B3GALT1: variants seen among roughly 807,000 people sequenced by gnomAD.
B3GALT1 encodes the protein UDP-Gal:betaGlcNAc beta 1,3-galactosyltransferase, polypeptide 1.
Under a neutral mutation model 23.2 loss-of-function variants are expected in B3GALT1, and 10 were observed. The observed-to-expected ratio is 0.43, with a 90% confidence interval of 0.27 to 0.73. B3GALT1 has a LOEUF of 0.73. Among genes scored for constraint, B3GALT1 ranks in the 30% least tolerant of loss-of-function variants. B3GALT1 has a pLI of 0.21. For missense variants in B3GALT1, 299 were observed against 405.4 expected, an observed-to-expected ratio of 0.74 and a Z score of 2.25; for synonymous variants, 156 against 141.5, an observed-to-expected ratio of 1.10 and a Z score of -0.73.
intron 3 of B3GALT1, among the ~76,000 whole-genome samples, chr2:167,733,954 G>A (rs977680709): frequency 6.6e-6 from 1 of 152,020 alleles, no homozygotes; most frequent in Non-Finnish European, 1.5e-5. Flanking sequence ...CCATTTCCTG[G>A]TTTAATCTAA....
chr2:167,635,629 AC>A (rs1047516706), intron 2 of B3GALT1, among the ~76,000 whole-genome samples: 5 of 8,232 alleles, frequency 6.1e-4, no homozygotes, highest in South Asian at 0.17. Context: ...TAAGAATACA[AC>A]TTAAAAAGGG....
intron 1 of B3GALT1, among the ~76,000 whole-genome samples, chr2:167,478,545 C>CT (rs1177888664): frequency 2.7e-4 from 37 of 135,958 alleles, no homozygotes; most frequent in South Asian, 5.1e-4. Flanking sequence ...AACCAACTTT[C>CT]TTTTTTTTTT....
At chr2:167,349,361 C>T (rs1056911271) in intron 1 of B3GALT1, among the ~76,000 whole-genome samples, 1 of 152,126 alleles carries the variant, frequency 6.6e-6, no homozygotes, top group Non-Finnish European at 1.5e-5. Flanking sequence ...TATTTCAGTG[C>T]TTGTGTTTCA....
chr2:167,819,944 C>G (rs1318677071), intron 4 of B3GALT1, among the ~76,000 whole-genome samples: 1 of 152,202 alleles, frequency 6.6e-6, no homozygotes, highest in Non-Finnish European at 1.5e-5. Context: ...CAGTTTGTTT[C>G]AGCCCCTGAC....
rs145106608 is a variant in B3GALT1 at position 167,398,040 on chromosome 2, G to A, written c.-510-92137G>A. Among the ~76,000 whole-genome samples the A allele has an allele frequency of 4.7e-3, 708 of 152,154 alleles. 6 individuals are homozygous for A. The highest frequency in any genetic ancestry group is 0.016 in the African/African-American group (662 of 41,510). On this transcript the variant is annotated intron_variant, in intron 1 of 4. Transcript: ENST00000392690. ...TGTGGAGCAATTAATCTTTGTTACC[G>A]TACAAAATAATAGCATGAAACATTT...
chr2:167,869,045 T>C lies in B3GALT1; in HGVS notation c.6T>C (p.Ala2=). Residue 2 remains alanine (A), a synonymous_variant, in exon 5 of 5, where the codon GCT becomes GCC. Coordinates refer to ENST00000392690, the MANE Select transcript of B3GALT1 (RefSeq NM_020981.4). The surrounding 1 kb of genome is among the most constrained non-coding windows in gnomAD (Gnocchi z 6.4). The stretch of plus-strand genomic sequence containing the variant: ...ATAGACGTGTTCTCAAGACAATGGC[T>C]TCAAAGGTCTCCTGTTTGTATGTTT... M[A]SKVSCLYVLT... is the part of the protein sequence containing the mutation. 1 of 1,604,058 alleles carries C rather than the reference T, an allele frequency of 6.2e-7. No homozygotes were observed. The highest frequency in any genetic ancestry group is 1.1e-5 in the South Asian group (1 of 89,928).
intron 3 of B3GALT1, among the ~76,000 whole-genome samples, chr2:167,809,113 G>T (rs1403864840): frequency 6.6e-6 from 1 of 152,142 alleles, no homozygotes. Flanking sequence ...CGTAGTCCTC[G>T]TGCCTTGGTT....
chr2:167,325,702 C>CTTTTTTTTTTT (rs61066636), intron 1 of B3GALT1, among the ~76,000 whole-genome samples: 5 of 110,568 alleles, frequency 4.5e-5, no homozygotes, highest in African/African-American at 6.6e-5. Context: ...ACCCTGTTTT[C>CTTTTTTTTTTT]TTTTTTTTTT....
At chr2:167,323,918 TTTTTGAGTCCAGA>T (rs1487757491) in intron 1 of B3GALT1, among the ~76,000 whole-genome samples, 1 of 152,068 alleles carries the variant, frequency 6.6e-6, no homozygotes, top group Non-Finnish European at 1.5e-5. Flanking sequence ...AAAGTTATGC[TTTTTGAGTCCAGA>T]TTTTGACATT....
chr2:167,560,059 G>A (rs904038937), intron 2 of B3GALT1, among the ~76,000 whole-genome samples: 1 of 152,134 alleles, frequency 6.6e-6, no homozygotes, highest in Admixed American at 6.5e-5. Context: ...CAGAGAGAAA[G>A]GTCAGGTTAC....
chr2:167,627,338 G>C (rs1277399117), intron 2 of B3GALT1, among the ~76,000 whole-genome samples: 1 of 151,440 alleles, frequency 6.6e-6, no homozygotes, highest in Non-Finnish European at 1.5e-5. Context: ...TCTCCCCTTT[G>C]TCCCCTCCAG....
At chr2:167,423,864 C>T (rs1698585329) in intron 1 of B3GALT1, among the ~76,000 whole-genome samples, 1 of 152,162 alleles carries the variant, frequency 6.6e-6, no homozygotes, top group African/African-American at 2.4e-5. Flanking sequence ...CTTTTTATCT[C>T]TCTATGCCTA....
chr2:167,516,785 A>G (rs557316989), intron 2 of B3GALT1, among the ~76,000 whole-genome samples: 30 of 152,110 alleles, frequency 2.0e-4, no homozygotes, highest in African/African-American at 7.2e-4. Flanking sequence ...CAGTACAAAC[A>G]CATGTAATGC....
At chr2:167,795,410 C>CT (rs983745567) in intron 3 of B3GALT1, among the ~76,000 whole-genome samples, 71 of 152,298 alleles carry the variant, frequency 4.7e-4, no homozygotes, top group African/African-American at 1.6e-3. Flanking sequence ...GGGTTGCTTC[C>CT]TTTCTGCCCT....
rs1690235824 is a variant in B3GALT1 at position 167,867,059 on chromosome 2, T to A, written c.-229-1752T>A. On this transcript the variant is annotated intron_variant, in intron 4 of 4. Coordinates refer to ENST00000392690, the MANE Select transcript of B3GALT1 (RefSeq NM_020981.4). ...CTCCTGCCTCAGCCTCCCGAGTAGCTGGGACTACAGGCACCCGCCACTACG... is the reference window on the plus strand; with the variant it reads ...CTCCTGCCTCAGCCTCCCGAGTAGCAGGGACTACAGGCACCCGCCACTACG... Among the ~76,000 whole-genome samples, 4 of 151,694 alleles carry A rather than the reference T, an allele frequency of 2.6e-5. No individual in the cohort carries two copies. In the South Asian group the frequency reaches 8.4e-4, roughly 32 times the overall value.
At chr2:167,456,321 A>C (rs1178301404) in intron 1 of B3GALT1, among the ~76,000 whole-genome samples, 1 of 152,138 alleles carries the variant, frequency 6.6e-6, no homozygotes, top group Admixed American at 6.5e-5. Context: ...AAGGTGATGG[A>C]GCTAAGCCGT....
intron 2 of B3GALT1, among the ~76,000 whole-genome samples, chr2:167,552,570 G>A (rs1683768732): frequency 6.6e-6 from 1 of 152,090 alleles, no homozygotes; most frequent in South Asian, 2.1e-4. Context: ...TGCAGTGTAG[G>A]TATATGTTAT....
Position 167,508,258 on chromosome 2 carries a change from A to AT in B3GALT1, c.-410+17998dup, listed in dbSNP as rs71031292. Among the ~76,000 whole-genome samples the AT allele has an allele frequency of 9.2e-3, 1,237 of 135,172 alleles. 9 individuals are homozygous for AT. Among genetic ancestry groups the AT allele is most frequent in the Non-Finnish European group, 0.015 (965 of 63,438 alleles). The allele number at this position is 135,172 out of a possible 152,430, so 88.7% of individuals were successfully genotyped here. ...CTTTCTTTCTTTTTTATTTTTATTA[A>AT]TTTTTTTTTTTTTTTTTCAGACGGA... On this transcript the variant is annotated intron_variant, in intron 2 of 4. Transcript: ENST00000392690.
At chr2:167,676,071 G>T (rs539289220) in intron 3 of B3GALT1, among the ~76,000 whole-genome samples, 3 of 151,856 alleles carry the variant, frequency 2.0e-5, no homozygotes, top group African/African-American at 7.3e-5. Context: ...CCCCCTAAGG[G>T]CCTAGACCAC....
Sources: gnomAD v4.1 joint callset for allele counts (sites outside exome capture counted in the v4.1 genomes callset) on GRCh38, gnomAD v4.1.1 for gene constraint, Gnocchi (gnomAD v3.1) non-coding constraint, MANE v1.5 for transcripts, NCBI Gene and HGNC (gene_info 2026-07-23, HGNC 2026-07-21) for gene names.